TMEM200A: variants seen among roughly 807,000 people sequenced by gnomAD.
TMEM200A encodes the protein two transmembrane C.
A neutral mutation model predicts 24.3 loss-of-function variants in TMEM200A; 12 were observed. The observed-to-expected ratio is 0.49, with a 90% CI of 0.32 to 0.80. TMEM200A has a LOEUF of 0.80. Among genes scored for constraint, TMEM200A ranks in the 30% least tolerant of loss-of-function variants. TMEM200A has a pLI of 0.04. For missense variants in TMEM200A, 545 were observed against 614.4 expected, an observed-to-expected ratio of 0.89 and a Z score of 1.19; for synonymous variants, 224 against 224.4, an observed-to-expected ratio of 1.00 and a Z score of 0.02.
chr6:130,409,701 C>A (rs549803625), intron 2 of TMEM200A, among the ~76,000 whole-genome samples: 1 of 152,130 alleles, frequency 6.6e-6, no homozygotes, highest in East Asian at 1.9e-4. Context: ...GAGGATAATT[C>A]GGTGTCTTAA....
In TMEM200A at chr6:130,440,444, A is replaced by G. The variant is rs1350495026; in HGVS notation, c.22A>G (p.Ile8Val). The change falls in exon 3 of 3, where the codon ATA becomes GTA. Residue 8 changes from isoleucine to valine, a missense_variant. By Grantham distance (29) the Ile-to-Val change is conservative. Coordinates refer to ENST00000296978, the MANE Select transcript of TMEM200A (RefSeq NM_001258277.2). ...AGCTATGATAGCAACTGGTGGAGTG[A>G]TAACTGGCCTGGCCGCCTTGAAAAG... MIATGGV[I>V]TGLAALKRQD... The G allele has an allele frequency of 6.3e-7, 1 of 1,582,412 alleles. No individual in the cohort carries two copies. Among genetic ancestry groups the G allele is most frequent in the Non-Finnish European group, 8.6e-7 (1 of 1,166,230 alleles).
upstream of TMEM200A, chr6:130,365,574 G>A (rs907883683): frequency 2.5e-5 from 25 of 985,250 alleles, no homozygotes; most frequent in Non-Finnish European, 2.9e-5. Flanking sequence ...GAGTCGGCTG[G>A]AGCTCCCCAG....
At chr6:130,375,631 G>A (rs1778437607) in intron 1 of TMEM200A, among the ~76,000 whole-genome samples, 1 of 152,172 alleles carries the variant, frequency 6.6e-6, no homozygotes. Flanking sequence ...GGTCAAGGAA[G>A]ACCTCTCTGC....
At chr6:130,421,118 C>T (rs979522974) in intron 2 of TMEM200A, 1 of 152,198 alleles carries the variant, frequency 6.6e-6, no homozygotes, top group Non-Finnish European at 1.5e-5. Flanking sequence ...TCTCAAACCT[C>T]AGCAGGCATC....
chr6:130,376,155 C>T (rs1010862290), intron 1 of TMEM200A, among the ~76,000 whole-genome samples: 11 of 151,760 alleles, frequency 7.2e-5, no homozygotes, highest in African/African-American at 2.2e-4. Flanking sequence ...ATAAATGTTG[C>T]GGAATTAACC....
At chr6:130,399,324 G>C (rs1411441019) in intron 2 of TMEM200A, among the ~76,000 whole-genome samples, 2 of 151,936 alleles carry the variant, frequency 1.3e-5, no homozygotes, top group African/African-American at 4.8e-5. Context: ...CATCAGCTGT[G>C]GAAGTTTTCA....
At chr6:130,433,072 G>A (rs7738424) in intron 2 of TMEM200A, among the ~76,000 whole-genome samples, 39,133 of 151,718 alleles carry the variant, frequency 0.26, 6,481 homozygotes, top group African/African-American at 0.47. Flanking sequence ...AAAGACATGG[G>A]CCCCTGTCTC....
chr6:130,383,154 A>T (rs1359310754), intron 1 of TMEM200A: 16 of 695,382 alleles, frequency 2.3e-5, no homozygotes, highest in Non-Finnish European at 2.8e-5. Flanking sequence ...AGTTGTCCGT[A>T]GCATCGGGCA....
chr6:130,370,044 C>T (rs557022010), intron 1 of TMEM200A, among the ~76,000 whole-genome samples: 1 of 152,256 alleles, frequency 6.6e-6, no homozygotes, highest in African/African-American at 2.4e-5. Flanking sequence ...CAAAGGTGGT[C>T]CTTGCTTCAA....
intron 2 of TMEM200A, among the ~76,000 whole-genome samples, chr6:130,387,894 C>CT (rs1046499267): frequency 6.6e-6 from 1 of 152,092 alleles, no homozygotes; most frequent in Admixed American, 6.5e-5. Flanking sequence ...TCCTGTTTGC[C>CT]TTTTTCAAGG....
chr6:130,377,726 A>G lies in TMEM200A; in HGVS notation c.-80-7447A>G, dbSNP rs183573526. Reference sequence around the variant, plus strand: ...ATTTTCTGAGTACTTACCATGTACTATTTTAGGCACTGGAAATATAATCTG... The same window carrying G: ...ATTTTCTGAGTACTTACCATGTACTGTTTTAGGCACTGGAAATATAATCTG... On this transcript the variant is annotated intron_variant, in intron 1 of 2. Coordinates refer to ENST00000296978, the MANE Select transcript of TMEM200A (RefSeq NM_001258277.2). Among the ~76,000 whole-genome samples the G allele has an allele frequency of 2.1e-4, 32 of 152,310 alleles. No individual in the cohort carries two copies. The East Asian group carries it at 5.6e-3, about 27-fold the overall frequency.
chr6:130,424,447 T>C lies in TMEM200A; in HGVS notation c.-16-15960T>C, dbSNP rs183148448. On this transcript the variant is annotated intron_variant, in intron 2 of 2. Coordinates refer to ENST00000296978, the MANE Select transcript of TMEM200A (RefSeq NM_001258277.2). ...CTCTTTCTTCTCATTTTTCATACTTTCCCCCAAAGTCTCCAGATGAATAAT... is the reference window on the plus strand; with the variant it reads ...CTCTTTCTTCTCATTTTTCATACTTCCCCCCAAAGTCTCCAGATGAATAAT... 2.6e-5 allele frequency among the ~76,000 whole-genome samples: 4 copies of C among 152,250 alleles called. No homozygotes were observed. In the East Asian group the frequency reaches 7.7e-4, roughly 29 times the overall value.
At chr6:130,435,054 G>GAA (rs200828377) in intron 2 of TMEM200A, among the ~76,000 whole-genome samples, 9 of 135,104 alleles carry the variant, frequency 6.7e-5, no homozygotes, top group African/African-American at 1.6e-4. Flanking sequence ...CACTGGGAAT[G>GAA]AAAAAAAAAA....
At chr6:130,383,431 A>G (rs1044880447) in intron 1 of TMEM200A, among the ~76,000 whole-genome samples, 5 of 152,204 alleles carry the variant, frequency 3.3e-5, no homozygotes, top group African/African-American at 1.2e-4. Flanking sequence ...TGAAACGTTC[A>G]TGATGCCGTC....
At chr6:130,440,196 A>T (rs975396591) in intron 2 of TMEM200A, among the ~76,000 whole-genome samples, 3 of 152,208 alleles carry the variant, frequency 2.0e-5, no homozygotes, top group Non-Finnish European at 4.4e-5. Flanking sequence ...ATGTTTACTT[A>T]GCCAAAAAGG....
chr6:130,368,781 G>A (rs1384223286), intron 1 of TMEM200A, among the ~76,000 whole-genome samples: 2 of 152,210 alleles, frequency 1.3e-5, no homozygotes, highest in Non-Finnish European at 2.9e-5. Flanking sequence ...AGACTGGGAA[G>A]CAGCATAGTG....
chr6:130,432,686 C>G (rs2115214573), intron 2 of TMEM200A, among the ~76,000 whole-genome samples: 1 of 152,296 alleles, frequency 6.6e-6, no homozygotes, highest in East Asian at 1.9e-4. Flanking sequence ...ATAATCAACA[C>G]AAAAGTAAGC....
In TMEM200A at chr6:130,432,594, A is replaced by G. The variant is rs368115843; in HGVS notation, c.-16-7813A>G. Reference sequence around the variant, plus strand: ...AAAGTCATCATTAATTACTTAGTATATTTTTAATTTGCCTAGCAGAGCAGT... The same window carrying G: ...AAAGTCATCATTAATTACTTAGTATGTTTTTAATTTGCCTAGCAGAGCAGT... On this transcript the variant is annotated intron_variant, in intron 2 of 2. Transcript: ENST00000296978. Among the ~76,000 whole-genome samples, 16 of 152,350 alleles carry G rather than the reference A, an allele frequency of 1.1e-4. 2 individuals carry two copies. The highest frequency in any genetic ancestry group is 1.2e-4 in the African/African-American group (5 of 41,584).
chr6:130,381,988 CA>C, intron 1 of TMEM200A: 1 of 984,644 alleles, frequency 1.0e-6, no homozygotes, highest in Non-Finnish European at 1.2e-6. Context: ...GGCTCTCCTT[CA>C]AAGATAGTTT....
Sources: gnomAD v4.1 joint callset for allele counts (sites outside exome capture counted in the v4.1 genomes callset) on GRCh38, gnomAD v4.1.1 for gene constraint, MANE v1.5 for transcripts, NCBI Gene and HGNC (gene_info 2026-07-23, HGNC 2026-07-21) for gene names.